NRG3: variants seen among roughly 807,000 people sequenced by gnomAD.
The protein encoded by NRG3 is neuregulin 3, also known as pro-neuregulin-3, membrane-bound isoform.
In NRG3, 31 loss-of-function variants were observed where a neutral mutation model predicts 66.9. The ratio of observed to expected loss-of-function variants is 0.46; its 90% CI spans 0.35 to 0.63. The LOEUF (loss-of-function observed/expected upper bound fraction) is 0.63. Among genes scored for constraint, NRG3 ranks in the 20% least tolerant of loss-of-function variants. NRG3 has a pLI of 0.00. For synonymous variants in NRG3, 393 were observed against 359.4 expected, an observed-to-expected ratio of 1.09 and a Z score of -1.06; for missense variants, 910 against 878.9, an observed-to-expected ratio of 1.04 and a Z score of -0.45.
At chr10:82,513,998 GT>G (rs1845431476) in intron 2 of NRG3, among the ~76,000 whole-genome samples, 1 of 152,030 alleles carries the variant, frequency 6.6e-6, no homozygotes, top group South Asian at 2.1e-4. Flanking sequence ...TTTGAGAAGT[GT>G]CTGTTCATGT....
chr10:82,519,839 G>A (rs1846031983), intron 2 of NRG3, among the ~76,000 whole-genome samples: 1 of 152,150 alleles, frequency 6.6e-6, no homozygotes, highest in Admixed American at 6.5e-5. Context: ...TAGTGGCTTG[G>A]TGAAGTCTTT....
At chr10:82,770,325 A>G (rs929057045) in intron 3 of NRG3, among the ~76,000 whole-genome samples, 2 of 152,128 alleles carry the variant, frequency 1.3e-5, no homozygotes, top group South Asian at 2.1e-4. Flanking sequence ...TATATCAAGA[A>G]TCTTAGCAGA....
At chr10:82,664,046 G>A (rs906082305) in intron 2 of NRG3, among the ~76,000 whole-genome samples, 2 of 152,140 alleles carry the variant, frequency 1.3e-5, no homozygotes, top group African/African-American at 4.8e-5. Flanking sequence ...TGTGGTGGGA[G>A]TAAGAAAGCC....
intron 2 of NRG3, among the ~76,000 whole-genome samples, chr10:82,437,576 C>T (rs2136398169): frequency 6.6e-6 from 1 of 152,150 alleles, no homozygotes; most frequent in African/African-American, 2.4e-5. Context: ...CTTCTGTGCC[C>T]TTGATGGAGA....
chr10:82,587,483 GA>G, intron 2 of NRG3, among the ~76,000 whole-genome samples: 1 of 151,902 alleles, frequency 6.6e-6, no homozygotes, highest in African/African-American at 2.4e-5. Context: ...AGGGGTCCTG[GA>G]AAAAAAATTA....
chr10:82,837,048 CA>C (rs1224473461), intron 3 of NRG3, among the ~76,000 whole-genome samples: 1 of 152,160 alleles, frequency 6.6e-6, no homozygotes, highest in Non-Finnish European at 1.5e-5. Context: ...CAGCTTCATC[CA>C]TGGCCCTATG....
intron 1 of NRG3, 100 bp downstream of exon 1, chr10:81,876,263 T>C (rs1263653136): frequency 1.4e-6 from 2 of 1,436,204 alleles, no homozygotes; most frequent in African/African-American, 2.9e-5. Context: ...GCAAGCCCCC[T>C]CCCCCATCCC....
At chr10:82,839,021 A>T (rs34664618) in intron 3 of NRG3, among the ~76,000 whole-genome samples, 17,319 of 152,090 alleles carry the variant, frequency 0.11, 1,079 homozygotes, top group South Asian at 0.2. Context: ...TACCACGAGA[A>T]CAGTATGGGG....
At chr10:82,043,969 C>T (rs1384516943) in intron 1 of NRG3, among the ~76,000 whole-genome samples, 2 of 151,882 alleles carry the variant, frequency 1.3e-5, no homozygotes, top group African/African-American at 4.8e-5. Context: ...TTAAGATAGA[C>T]TAATAAAAAC....
rs75083884 is a variant in NRG3, at chr10:82,420,834, A to C, written c.953+61966A>C. ...CATAAAATGGACAATAAAAAGGGAA[A>C]AATTATTGATATGTGCAATCTGGAT... On this transcript the variant is annotated intron_variant, in intron 2 of 8. Coordinates refer to ENST00000372141, the MANE Select transcript of NRG3 (RefSeq NM_001010848.4). Among the ~76,000 whole-genome samples, 1,486 of 152,330 alleles carry C rather than the reference A, an allele frequency of 9.8e-3. 24 individuals carry two copies. The highest frequency in any genetic ancestry group is 0.034 in the African/African-American group (1,402 of 41,580).
chr10:82,948,484 G>C (rs1849227462), intron 4 of NRG3, among the ~76,000 whole-genome samples: 1 of 152,064 alleles, frequency 6.6e-6, no homozygotes, highest in African/African-American at 2.4e-5. Context: ...AATGCTTCCT[G>C]AGATTTTAAT....
chr10:82,660,063 G>T (rs1440167326), intron 2 of NRG3, among the ~76,000 whole-genome samples: 1 of 151,588 alleles, frequency 6.6e-6, no homozygotes, highest in African/African-American at 2.4e-5. Context: ...GGGCATGGTG[G>T]TGGTTGCCTG....
At chr10:81,938,549 AAC>A (rs1271606638) in intron 1 of NRG3, among the ~76,000 whole-genome samples, 1 of 151,054 alleles carries the variant, frequency 6.6e-6, no homozygotes, top group African/African-American at 2.4e-5. Flanking sequence ...AGTGTGTAGA[AAC>A]ACAGACAATT....
intron 2 of NRG3, among the ~76,000 whole-genome samples, chr10:82,463,027 T>C (rs2091593497): frequency 6.6e-6 from 1 of 152,134 alleles, no homozygotes; most frequent in Non-Finnish European, 1.5e-5. Flanking sequence ...GAAAGTCATA[T>C]TGGAAGTGAT....
intron 4 of NRG3, among the ~76,000 whole-genome samples, chr10:82,899,686 T>C (rs1564614547): frequency 6.6e-6 from 1 of 152,168 alleles, no homozygotes; most frequent in Non-Finnish European, 1.5e-5. Flanking sequence ...CTAGCCTCAG[T>C]CATTGACGAT....
At chr10:82,616,613 T>TA (rs1166482340) in intron 2 of NRG3, among the ~76,000 whole-genome samples, 1 of 152,222 alleles carries the variant, frequency 6.6e-6, no homozygotes, top group Non-Finnish European at 1.5e-5. Context: ...CATATTGTGA[T>TA]AAATCATAGC....
chr10:82,771,356 A>G (rs1189934970), intron 3 of NRG3, among the ~76,000 whole-genome samples: 2 of 152,214 alleles, frequency 1.3e-5, no homozygotes, highest in African/African-American at 4.8e-5. Flanking sequence ...AAGAAGACAT[A>G]AAATAAAGCC....
At chr10:82,491,058 C>G (rs1278241018) in intron 2 of NRG3, among the ~76,000 whole-genome samples, 1 of 151,562 alleles carries the variant, frequency 6.6e-6, no homozygotes, top group Non-Finnish European at 1.5e-5. Context: ...GAGCTCCTCT[C>G]TCTTTCTCTA....
chr10:82,273,261 G>A (rs912967917), intron 1 of NRG3, among the ~76,000 whole-genome samples: 7 of 151,994 alleles, frequency 4.6e-5, no homozygotes, highest in African/African-American at 1.7e-4. Flanking sequence ...TTGATTGGCT[G>A]CTTAGTCACA....
Sources: allele counts gnomAD v4.1 joint callset (sites outside exome capture counted in the v4.1 genomes callset), GRCh38; gene constraint gnomAD v4.1.1; transcripts MANE v1.5; gene names NCBI Gene and HGNC (gene_info 2026-07-23, HGNC 2026-07-21).